PANK2: variants seen among roughly 807,000 people sequenced by gnomAD.
The protein encoded by PANK2 is pantothenate kinase 2.
PANK2 carries 36 observed loss-of-function variants against 43.1 expected under a neutral mutation model. The observed-to-expected ratio is 0.84, with a 90% confidence interval of 0.64 to 1.10. The LOEUF (loss-of-function observed/expected upper bound fraction) is 1.10, where lower values mean the gene tolerates loss of function less well. Among genes scored for constraint, PANK2 ranks in the 50% least tolerant of loss-of-function variants. The probability of loss-of-function intolerance (pLI) is 0.00; values close to 1 mark genes in which losing one functional copy is unlikely to be tolerated. For missense variants in PANK2, 576 were observed against 593.3 expected (o/e 0.97, Z 0.30); for synonymous variants, 281 against 238.2 (o/e 1.18, Z -1.66).
chr20:3,928,426 C>CT lies in PANK2; in HGVS notation c.*5133dup, dbSNP rs1257135168. ...CCAGGGCTGCCTGGAGGAAGCAGCT[C>CT]TAACTTTCATCAGCGGGGACAAAAA... On this transcript the variant is annotated 3_prime_UTR_variant, in exon 7 of 7. Transcript: ENST00000610179. The CT allele has an allele frequency of 1.3e-5, 2 of 152,174 alleles. No individual in the cohort carries two copies. Among genetic ancestry groups the CT allele is most frequent in the Admixed American group, 6.5e-5 (1 of 15,282 alleles). 9.4% of individuals were successfully genotyped at this position (152,174 alleles called of 1,614,324 possible).
chr20:3,912,640 GGGGCATGTGTGTTCTAAGAAATACAGGC>G lies in PANK2; in HGVS notation c.1082+11_1082+38del. Reference sequence around the variant, plus strand: ...GGCTGGGCTGTGGCTTCAAGGTAAGGGGGCATGTGTGTTCTAAGAAATACAGGCGGGCCGGGCGCGGTGGCTCATGCCT... The same window carrying G: ...GGCTGGGCTGTGGCTTCAAGGTAAGGGGGCCGGGCGCGGTGGCTCATGCCT... On this transcript the variant is annotated splice_region_variant and intron_variant, in intron 4 of 6. Transcript: ENST00000610179. The G allele has an allele frequency of 6.2e-7, 1 of 1,613,610 alleles. No individual in the cohort carries two copies. Among genetic ancestry groups the G allele is most frequent in the Non-Finnish European group, 8.5e-7 (1 of 1,179,734 alleles).
intron 1 of PANK2, among the ~76,000 whole-genome samples, chr20:3,893,924 GTTTTTTGTTT>G (rs2090162875): frequency 4.8e-5 from 6 of 124,914 alleles, no homozygotes; most frequent in East Asian, 2.3e-4. Flanking sequence ...TTTTTTGTTT[GTTTTTTGTTT>G]TTTTTTTTTT....
intron 1 of PANK2, among the ~76,000 whole-genome samples, chr20:3,907,233 C>G (rs990500157): frequency 6.7e-6 from 1 of 149,606 alleles, no homozygotes; most frequent in Non-Finnish European, 1.5e-5. Flanking sequence ...TCCTGAGTAG[C>G]TGGTACTACA....
At chr20:3,900,792 G>T (rs966314831) in intron 1 of PANK2, among the ~76,000 whole-genome samples, 6 of 151,718 alleles carry the variant, frequency 4.0e-5, no homozygotes, top group Admixed American at 1.3e-4. Context: ...TTTTTGAGAT[G>T]AAGTCTTGCT....
At chr20:3,910,861 C>T (rs1362300542) in intron 3 of PANK2, 31 bp downstream of exon 3, 2 of 1,612,960 alleles carry the variant, frequency 1.2e-6, no homozygotes, top group Non-Finnish European at 1.7e-6. Context: ...ACTGTTTATT[C>T]TTAGTATCCT....
At chr20:3,914,069 G>C (rs182516981) in intron 4 of PANK2, among the ~76,000 whole-genome samples, 3 of 151,932 alleles carry the variant, frequency 2.0e-5, no homozygotes, top group Admixed American at 6.6e-5. Context: ...GATTACAGGC[G>C]TGAGCCACTG....
chr20:3,894,237 ATGT>A (rs1421384300), intron 1 of PANK2, among the ~76,000 whole-genome samples: 2 of 115,292 alleles, frequency 1.7e-5, no homozygotes, highest in African/African-American at 6.8e-5. Context: ...GACCGAAAAG[ATGT>A]TGTTTGTTTG....
intron 1 of PANK2, among the ~76,000 whole-genome samples, chr20:3,902,831 G>A (rs1408164549): frequency 6.6e-6 from 1 of 151,690 alleles, no homozygotes; most frequent in African/African-American, 2.4e-5. Context: ...TGCCCATTTT[G>A]CTGTTAAATA....
At chr20:3,905,169 ACCACT>A in intron 1 of PANK2, among the ~76,000 whole-genome samples, 1 of 16,706 alleles carries the variant, frequency 6.0e-5, no homozygotes, top group Admixed American at 1.2e-3. Flanking sequence ...TTGTGACTGC[ACCACT>A]GCACCAGACC....
At chr20:3,914,036 G>T (rs370092330) in intron 4 of PANK2, among the ~76,000 whole-genome samples, 4 of 151,732 alleles carry the variant, frequency 2.6e-5, no homozygotes, top group Admixed American at 6.6e-5. Flanking sequence ...TGATCCGCCC[G>T]CCTTGGCCTC....
intron 1 of PANK2, among the ~76,000 whole-genome samples, chr20:3,901,118 G>C (rs992371977): frequency 1.3e-5 from 2 of 151,798 alleles, no homozygotes; most frequent in African/African-American, 4.8e-5. Context: ...GAGTACAGTG[G>C]CTGTATCACA....
At position 3,908,120 on chromosome 20, in the gene PANK2, C is replaced by G. The variant is rs2090416261; in HGVS notation, c.493C>G (p.Leu165Val). The G allele has an allele frequency of 2.5e-6, 4 of 1,614,086 alleles. No homozygotes were observed. The highest frequency in any genetic ancestry group is 1.3e-5 in the African/African-American group (1 of 74,932). The change falls in exon 2 of 7, where the codon CTG (leucine) becomes GTG (valine). Residue 165 changes from leucine to valine, a missense_variant. Leu to Val is a conservative substitution (Grantham distance 32). Around this residue, in one of 2 missense-constraint regions of PANK2, gnomAD observed 544 missense variants for 528.9 expected, o/e 1.03. Coordinates refer to ENST00000610179, the MANE Select transcript of PANK2 (RefSeq NM_001386393.1). ...GCACCTCGAGCTGAAGGACCTGACT[C>G]TGTGTGGACGCAAAGGCAATCTGCA... is the stretch of plus-strand genomic sequence containing the variant.
rs201982152 is a variant in PANK2 at position 3,928,233 on chromosome 20, G to GTGATTGA, written c.*4943_*4944insTGATGAT. 2 of 152,248 alleles carry GTGATTGA rather than the reference G, an allele frequency of 1.3e-5. No homozygotes were observed. Among genetic ancestry groups the GTGATTGA allele is most frequent in the African/African-American group, 4.8e-5 (2 of 41,456 alleles). 9.4% of individuals were successfully genotyped at this position (152,248 alleles called of 1,614,324 possible). A position where few individuals can be genotyped will look rare whatever the true frequency, so the allele number is the denominator to read the frequency against. ...TTCTACAAATGCCAGAAGAGTGGATGTGATAGAGAATTTTTTCTCAAGTTT... is the reference window on the plus strand; with the variant it reads ...TTCTACAAATGCCAGAAGAGTGGATGTGATTGATGATAGAGAATTTTTTCTCAAGTTT... On this transcript the variant is annotated 3_prime_UTR_variant, in exon 7 of 7. Coordinates refer to ENST00000610179, the MANE Select transcript of PANK2 (RefSeq NM_001386393.1).
intron 1 of PANK2, among the ~76,000 whole-genome samples, chr20:3,906,872 C>T (rs2090394495): frequency 6.6e-6 from 1 of 152,016 alleles, no homozygotes; most frequent in East Asian, 1.9e-4. Flanking sequence ...GATCTTGGCT[C>T]ACTGCAGCTT....
At chr20:3,920,376 C>T (rs910390474) in intron 6 of PANK2, among the ~76,000 whole-genome samples, 17 of 152,046 alleles carry the variant, frequency 1.1e-4, no homozygotes, top group African/African-American at 4.1e-4. Flanking sequence ...ATTAGCTGGG[C>T]GCAATGGCGG....
intron 6 of PANK2, chr20:3,921,139 G>C (rs1417384974): frequency 2.0e-5 from 3 of 152,112 alleles, no homozygotes; most frequent in Non-Finnish European, 4.4e-5. Context: ...CCATGTTGGT[G>C]TGCTGCACCC....
intron 1 of PANK2, 39 bp downstream of exon 1, chr20:3,889,767 C>T (rs886461923): frequency 2.5e-6 from 4 of 1,579,982 alleles, no homozygotes; most frequent in Non-Finnish European, 3.4e-6. Context: ...CCCGCCCTGC[C>T]CCCCCTTCCG....
intron 1 of PANK2, among the ~76,000 whole-genome samples, chr20:3,899,334 G>T (rs1298769128): frequency 6.6e-6 from 1 of 151,496 alleles, no homozygotes; most frequent in Non-Finnish European, 1.5e-5. Context: ...ACCATGCCCG[G>T]CTAATTTTTT....
chr20:3,903,609 C>T (rs1485022026), intron 1 of PANK2, among the ~76,000 whole-genome samples: 6 of 150,118 alleles, frequency 4.0e-5, no homozygotes, highest in Admixed American at 2.0e-4. Flanking sequence ...GGGATTTCAG[C>T]GCGTTCCACC....
Sources: gnomAD v4.1 joint callset for allele counts (sites outside exome capture counted in the v4.1 genomes callset) on GRCh38, gnomAD v4.1.1 for gene constraint, gnomAD v4.1.1 regional missense constraint, MANE v1.5 for transcripts, NCBI Gene and HGNC (gene_info 2026-07-23, HGNC 2026-07-21) for gene names.